Variants in XKR3 observed in about 807,000 individuals in gnomAD.
XKR3 encodes the protein XK related 3, also known as XK-related protein 3.
A neutral mutation model predicts 40.3 loss-of-function variants in XKR3; 27 were observed. The ratio of observed to expected loss-of-function variants is 0.67; its 90% CI spans 0.49 to 0.92. The LOEUF is 0.92. XKR3 is among the 40% of genes least tolerant of loss of function. The pLI is 0.00. For missense variants in XKR3, 472 were observed against 537.6 expected (o/e 0.88, Z 1.21); for synonymous variants, 193 against 195.4 (o/e 0.99, Z 0.10).
Position 16,783,707 on chromosome 22 carries a change from T to C in XKR3, c.1292A>G (p.Lys431Arg). The C allele has an allele frequency of 6.2e-7, 1 of 1,614,032 alleles. No homozygotes were observed. The highest frequency in any genetic ancestry group is 8.5e-7 in the Non-Finnish European group (1 of 1,180,004). The change falls in exon 4 of 4, where the codon AAG becomes AGG. Residue 431 changes from lysine to arginine, a missense_variant. Lys to Arg is a conservative substitution (Grantham distance 26). Coordinates refer to ENST00000684488, the MANE Select transcript of XKR3 (RefSeq NM_001386955.1). ...ATTCCTCAGCTGCTTATTTTTATTC[T>C]TTTCAGTTTTCTCGATGTTTACATA... ...YYYVNIEKTEKNKNKQLRNYC... is the reference protein window; with the variant it reads ...YYYVNIEKTERNKNKQLRNYC...
In XKR3 at chr22:16,800,043, A is replaced by T; in HGVS notation, c.336-19T>A. The T allele has an allele frequency of 2.5e-6, 4 of 1,607,276 alleles. No homozygotes were observed. The East Asian group carries it at 6.7e-5, about 27-fold the overall frequency. ...CAAACACCTGTTAACATGAAGTAAC[A>T]TCCAAGATTAACATTTATTGGTGAC... On this transcript the variant is annotated intron_variant, in intron 2 of 3. Coordinates refer to ENST00000684488, the MANE Select transcript of XKR3 (RefSeq NM_001386955.1).
Position 16,783,715 on chromosome 22 carries a change from T to G in XKR3, c.1284A>C (p.Lys428Asn). 1 of 1,614,080 alleles carries G rather than the reference T, an allele frequency of 6.2e-7. No individual in the cohort carries two copies. The highest frequency in any genetic ancestry group is 8.5e-7 in the Non-Finnish European group (1 of 1,180,012). Residue 428 changes from lysine to asparagine, a missense_variant, in exon 4 of 4, where the codon AAA (lysine) becomes AAC (asparagine). Transcript: ENST00000684488. ...EAPYYYVNIE[K>N]TEKNKNKQLR... is the part of the protein sequence containing the mutation. ...GCTGCTTATTTTTATTCTTTTCAGTTTTCTCGATGTTTACATAATAGTACG... is the reference window on the plus strand; with the variant it reads ...GCTGCTTATTTTTATTCTTTTCAGTGTTCTCGATGTTTACATAATAGTACG...
At chr22:16,820,647 CCA>C (rs2060251730) in intron 1 of XKR3, among the ~76,000 whole-genome samples, 1 of 107,566 alleles carries the variant, frequency 9.3e-6, no homozygotes, top group African/African-American at 3.5e-5. Flanking sequence ...TACATAGTCT[CCA>C]TCTCCAGTAC....
intron 1 of XKR3, among the ~76,000 whole-genome samples, chr22:16,816,374 T>A (rs1481826117): frequency 1.3e-5 from 2 of 151,758 alleles, no homozygotes; most frequent in Non-Finnish European, 3.0e-5. Context: ...CTGTAGTTAT[T>A]CATTTTTTTG....
chr22:16,795,919 A>ATCGTGTCAGTGATGCAAGC (rs1414074177), intron 3 of XKR3, among the ~76,000 whole-genome samples: 4 of 152,138 alleles, frequency 2.6e-5, no homozygotes, highest in Admixed American at 2.6e-4. Context: ...GTGATGCAAG[A>ATCGTGTCAGTGATGCAAGC]TCATGTCACT....
At chr22:16,799,710 A>G in intron 3 of XKR3, 61 bp downstream of exon 3, 1 of 1,540,088 alleles carries the variant, frequency 6.5e-7, no homozygotes, top group Non-Finnish European at 8.7e-7. Flanking sequence ...CTCAATTTCT[A>G]TTATATTAGT....
At position 16,808,080 on chromosome 22, in the gene XKR3, G is replaced by T; in HGVS notation, c.-7C>A. 2 of 1,578,984 alleles carry T rather than the reference G, an allele frequency of 1.3e-6. No homozygotes were observed. Among genetic ancestry groups the T allele is most frequent in the African/African-American group, 1.4e-5 (1 of 73,352 alleles). The stretch of plus-strand genomic sequence containing the variant: ...CTTCAAACACTGTCTCCATTCTCAG[G>T]GTGCTGCTAATTCAAAGTCGTCTTG... On this transcript the variant is annotated 5_prime_UTR_variant, in exon 2 of 4. Transcript: ENST00000684488.
intron 1 of XKR3, among the ~76,000 whole-genome samples, chr22:16,809,334 C>T (rs2060203381): frequency 1.3e-5 from 2 of 152,028 alleles, no homozygotes; most frequent in African/African-American, 4.8e-5. Flanking sequence ...ATCTTTTTCT[C>T]TTTTGTGTAA....
chr22:16,814,475 T>G (rs568973429), intron 1 of XKR3, among the ~76,000 whole-genome samples: 6 of 152,282 alleles, frequency 3.9e-5, no homozygotes, highest in African/African-American at 1.4e-4. Flanking sequence ...TGAAAGTCCA[T>G]AAGAATAGTA....
chr22:16,816,949 A>T (rs1253001893), intron 1 of XKR3, among the ~76,000 whole-genome samples: 1 of 152,082 alleles, frequency 6.6e-6, no homozygotes, highest in Non-Finnish European at 1.5e-5. Context: ...CATACCAAAA[A>T]TAAATTATAT....
rs560328841 is a variant in XKR3, at chr22:16,816,352, T to C, written c.-10-8269A>G. Among the ~76,000 whole-genome samples, 3 of 134,442 alleles carry C rather than the reference T, an allele frequency of 2.2e-5. No individual in the cohort carries two copies. The South Asian group carries it at 7.0e-4, about 31-fold the overall frequency. The allele number at this position is 134,442 out of a possible 152,430, so 88.2% of individuals were successfully genotyped here. A position where few individuals can be genotyped will look rare whatever the true frequency, so the allele number is the denominator to read the frequency against. ...CCTGCTTTTGACATTAATTACCATA[T>C]TTTTACACTTTCTGTAGTTATTCAT... is the stretch of plus-strand genomic sequence containing the variant. On this transcript the variant is annotated intron_variant, in intron 1 of 3. Coordinates refer to ENST00000684488, the MANE Select transcript of XKR3 (RefSeq NM_001386955.1).
chr22:16,797,524 G>T (rs1307101429), intron 3 of XKR3, among the ~76,000 whole-genome samples: 1 of 152,300 alleles, frequency 6.6e-6, no homozygotes, highest in Middle Eastern at 3.4e-3. Flanking sequence ...CAGGCGCAGT[G>T]GCTCGCGCCT....
Position 16,783,589 on chromosome 22 carries a change from C to T in XKR3, c.*30G>A. 6.7e-7 allele frequency: 1 copy of T among 1,488,632 alleles called. No homozygotes were observed. The highest frequency in any genetic ancestry group is 9.0e-7 in the Non-Finnish European group (1 of 1,114,582). 92.2% of individuals were successfully genotyped at this position (1,488,632 alleles called of 1,614,324 possible). The stretch of plus-strand genomic sequence containing the variant: ...ACAAGTCACATTCAGCATCTTTACT[C>T]ATTGTTCTGTGAAAGTATATATGTA... On this transcript the variant is annotated 3_prime_UTR_variant, in exon 4 of 4. Transcript: ENST00000684488.
chr22:16,803,862 C>T (rs1445739305), intron 2 of XKR3, among the ~76,000 whole-genome samples: 1 of 152,200 alleles, frequency 6.6e-6, no homozygotes, highest in Non-Finnish European at 1.5e-5. Context: ...CATGCTCTCT[C>T]TATGGAGTAG....
At position 16,789,427 on chromosome 22, in the gene XKR3, A is replaced by G. The variant is rs374030832; in HGVS notation, c.590-5018T>C. ...CCATTTACAATAGCTATGGGAAAAC[A>G]AATGAATGAACAAAAAACCTTTAGA... On this transcript the variant is annotated intron_variant, in intron 3 of 3. Transcript: ENST00000684488. Among the ~76,000 whole-genome samples, 924 of 152,114 alleles carry G rather than the reference A, an allele frequency of 6.1e-3. 5 individuals carry two copies. The highest frequency in any genetic ancestry group is 0.013 in the South Asian group (61 of 4,828).
intron 1 of XKR3, among the ~76,000 whole-genome samples, chr22:16,814,693 T>A (rs1002373408): frequency 6.6e-6 from 1 of 152,170 alleles, no homozygotes; most frequent in Non-Finnish European, 1.5e-5. Flanking sequence ...ATTTGTTAAA[T>A]TCATTCCTAA....
chr22:16,788,430 AAGG>A (rs1259231356), intron 3 of XKR3, among the ~76,000 whole-genome samples: 2 of 152,140 alleles, frequency 1.3e-5, no homozygotes, highest in Non-Finnish European at 2.9e-5. Context: ...AGAGACAAAA[AAGG>A]AGATGTCATA....
At chr22:16,785,144 A>T (rs1447493497) in intron 3 of XKR3, among the ~76,000 whole-genome samples, 4 of 151,970 alleles carry the variant, frequency 2.6e-5, no homozygotes, top group Non-Finnish European at 1.5e-5. Context: ...GGTGAAACCC[A>T]GTCTCTACTA....
chr22:16,816,429 T>C (rs1349999368), intron 1 of XKR3, among the ~76,000 whole-genome samples: 1 of 151,878 alleles, frequency 6.6e-6, no homozygotes, highest in Non-Finnish European at 1.5e-5. Flanking sequence ...CTACCATATT[T>C]CTACACTTTC....
Sources: gnomAD v4.1 joint callset for allele counts (sites outside exome capture counted in the v4.1 genomes callset) on GRCh38, gnomAD v4.1.1 for gene constraint, MANE v1.5 for transcripts, NCBI Gene and HGNC (gene_info 2026-07-23, HGNC 2026-07-21) for gene names.